Variants in WSCD2 observed in about 807,000 individuals in gnomAD.
WSCD2 encodes WSC domain sialate O sulfotransferase 2.
WSCD2 carries 28 observed loss-of-function variants against 55.7 expected under a neutral mutation model. The ratio of observed to expected loss-of-function variants is 0.50; its 90% CI spans 0.37 to 0.69. The LOEUF is 0.69. Ranked by LOEUF, WSCD2 falls within the 30% of genes least tolerant of loss-of-function variation. The probability of loss-of-function intolerance (pLI) is 0.00; values close to 1 mark genes in which losing one functional copy is unlikely to be tolerated. For synonymous variants in WSCD2, 301 were observed against 301.9 expected (o/e 1.00, Z 0.03); for missense variants, 616 against 762.1 (o/e 0.81, Z 2.26).
At chr12:108,240,578 G>A in intron 8 of WSCD2, 34 bp downstream of exon 8, 11 of 1,518,926 alleles carry the variant, frequency 7.2e-6, no homozygotes, top group Non-Finnish European at 9.9e-6. Flanking sequence ...GGGGAGGGGA[G>A]GGGCTTCGGG....
chr12:108,215,935 A>G (rs1031716816), intron 4 of WSCD2, among the ~76,000 whole-genome samples: 1 of 152,184 alleles, frequency 6.6e-6, no homozygotes, highest in African/African-American at 2.4e-5. Context: ...AAAAAGCCCA[A>G]GCTGCTGAGG....
intron 1 of WSCD2, among the ~76,000 whole-genome samples, chr12:108,193,298 A>ATTTT (rs1883421014): frequency 1.3e-5 from 2 of 152,198 alleles, no homozygotes; most frequent in African/African-American, 4.8e-5. Context: ...TAGCATAGTG[A>ATTTT]TTGTTTACAT....
chr12:108,180,501 T>G (rs1895910), intron 1 of WSCD2, among the ~76,000 whole-genome samples: 24,075 of 152,232 alleles, frequency 0.16, 2,522 homozygotes, highest in Non-Finnish European at 0.22. Flanking sequence ...ACTCAATGAA[T>G]GTTTGTTGAA....
intron 2 of WSCD2, among the ~76,000 whole-genome samples, chr12:108,202,032 A>G (rs1884754435): frequency 1.3e-5 from 2 of 152,174 alleles, no homozygotes; most frequent in South Asian, 4.1e-4. Flanking sequence ...TCCCTGTTTT[A>G]CATATCTGAC....
chr12:108,195,846 G>A lies in WSCD2; in HGVS notation c.14G>A (p.Trp5Ter), dbSNP rs762222904. 2 of 1,611,600 alleles carry A rather than the reference G, an allele frequency of 1.2e-6. No individual in the cohort carries two copies. The highest frequency in any genetic ancestry group is 2.2e-5 in the South Asian group (2 of 90,644). Residue 5 changes from tryptophan (W) to a stop codon, truncating the protein, a stop_gained, in exon 2 of 9, where the codon TGG becomes TAG. Transcript: ENST00000547525. LOFTEE classifies it high-confidence loss of function. The part of the protein sequence containing the change: MAKL[W>*]FKFQRYFRRK... ...AATGATCCCACTATGGCCAAGCTCTGGTTCAAATTCCAGCGGTACTTCCGC... is the reference window on the plus strand; with the variant it reads ...AATGATCCCACTATGGCCAAGCTCTAGTTCAAATTCCAGCGGTACTTCCGC...
chr12:108,219,855 A>C (rs555773247), intron 4 of WSCD2, among the ~76,000 whole-genome samples: 2 of 152,340 alleles, frequency 1.3e-5, no homozygotes, highest in East Asian at 3.9e-4. Flanking sequence ...TGGTCCCTCA[A>C]ATAAGATCCT....
At chr12:108,224,360 G>T (rs552980422) in intron 4 of WSCD2, among the ~76,000 whole-genome samples, 1 of 152,262 alleles carries the variant, frequency 6.6e-6, no homozygotes, top group Non-Finnish European at 1.5e-5. Context: ...GCCCTGATGA[G>T]ATCACAAAAA....
intron 1 of WSCD2, among the ~76,000 whole-genome samples, chr12:108,174,242 C>T (rs1258713081): frequency 6.6e-6 from 1 of 152,166 alleles, no homozygotes; most frequent in African/African-American, 2.4e-5. Context: ...ATTCCCTCCC[C>T]ACATATGTAG....
At position 108,229,417 on chromosome 12, in the gene WSCD2, A is replaced by G. The variant is rs529755823; in HGVS notation, c.979+2253A>G. Among the ~76,000 whole-genome samples the G allele has an allele frequency of 2.0e-5, 3 of 152,362 alleles. No individual in the cohort carries two copies. In the South Asian group the frequency reaches 6.2e-4, roughly 32 times the overall value. On this transcript the variant is annotated intron_variant, in intron 6 of 8. Coordinates refer to ENST00000547525, the MANE Select transcript of WSCD2 (RefSeq NM_014653.4). ...TTGGCCAAAGTCAAACAGCTCTGAC[A>G]TGGCAGTGTAGGGATGCAAACCCAG...
chr12:108,205,426 G>C (rs1473766435), intron 2 of WSCD2, among the ~76,000 whole-genome samples: 1 of 152,012 alleles, frequency 6.6e-6, no homozygotes, highest in Non-Finnish European at 1.5e-5. Context: ...AAAACATATG[G>C]GAAAAGACAT....
chr12:108,179,780 C>T (rs1474361896), intron 1 of WSCD2, among the ~76,000 whole-genome samples: 2 of 152,192 alleles, frequency 1.3e-5, no homozygotes, highest in East Asian at 1.9e-4. Flanking sequence ...TTGGGCAAGT[C>T]GCTGGACCTA....
chr12:108,250,163 G>A lies in WSCD2; in HGVS notation c.*1820G>A. 1 of 126,992 alleles carries A rather than the reference G, an allele frequency of 7.9e-6. No individual in the cohort carries two copies. The highest frequency in any genetic ancestry group is 7.8e-5 in the Admixed American group (1 of 12,796). 7.9% of individuals were successfully genotyped at this position (126,992 alleles called of 1,614,324 possible). A position where few individuals can be genotyped will look rare whatever the true frequency, so the allele number is the denominator to read the frequency against. On this transcript the variant is annotated 3_prime_UTR_variant, in exon 9 of 9. Coordinates refer to ENST00000547525, the MANE Select transcript of WSCD2 (RefSeq NM_014653.4). ...TGTAAGACAGGTTCACAAATGGGAT[G>A]TTTTCCTAGTGTGTGTGTGTGTGTG...
chr12:108,129,932 G>A lies in WSCD2; in HGVS notation c.-552+6G>A, dbSNP rs1875309291. ...AAGTGGCGGAGACCCTTCAGGTAAG[G>A]ACTCAGGTGCCTGGACCTGGGAAGA... On this transcript the variant is annotated splice_donor_region_variant and intron_variant, in intron 1 of 8. Transcript: ENST00000547525. 6.6e-6 allele frequency: 1 copy of A among 152,280 alleles called. No individual in the cohort carries two copies. The highest frequency in any genetic ancestry group is 2.1e-4 in the South Asian group (1 of 4,832). The allele number at this position is 152,280 out of a possible 1,614,324, so 9.4% of individuals were successfully genotyped here.
intron 8 of WSCD2, among the ~76,000 whole-genome samples, chr12:108,245,231 G>T (rs981164566): frequency 1.4e-5 from 2 of 141,336 alleles, no homozygotes; most frequent in African/African-American, 5.7e-5. Flanking sequence ...GTAGACTTGG[G>T]CAAGTTGCTC....
chr12:108,131,080 G>C (rs1336605327), intron 1 of WSCD2, among the ~76,000 whole-genome samples: 1 of 152,094 alleles, frequency 6.6e-6, no homozygotes, highest in East Asian at 1.9e-4. Flanking sequence ...TGTGAGGTGG[G>C]ATTCCGATCT....
At chr12:108,192,744 A>T (rs1883343064) in intron 1 of WSCD2, among the ~76,000 whole-genome samples, 1 of 152,040 alleles carries the variant, frequency 6.6e-6, no homozygotes, top group African/African-American at 2.4e-5. Flanking sequence ...TCCTTCACCC[A>T]GAGAATTTTG....
chr12:108,179,858 A>G (rs767457002), intron 1 of WSCD2, among the ~76,000 whole-genome samples: 1 of 152,214 alleles, frequency 6.6e-6, no homozygotes, highest in African/African-American at 2.4e-5. Flanking sequence ...CATGGTGAAC[A>G]TTAGAAATTA....
At chr12:108,207,061 AT>A (rs549023412) in intron 3 of WSCD2, among the ~76,000 whole-genome samples, 25 of 151,952 alleles carry the variant, frequency 1.6e-4, no homozygotes, top group Non-Finnish European at 2.8e-4. Context: ...GACAACGATG[AT>A]TTTTATTAGA....
intron 3 of WSCD2, among the ~76,000 whole-genome samples, chr12:108,206,882 T>C (rs896197286): frequency 6.6e-6 from 1 of 152,218 alleles, no homozygotes; most frequent in Non-Finnish European, 1.5e-5. Context: ...AACTTAGAAA[T>C]GCACCATTAG....
Sources: allele counts gnomAD v4.1 joint callset (sites outside exome capture counted in the v4.1 genomes callset), GRCh38; gene constraint gnomAD v4.1.1; transcripts MANE v1.5; gene names NCBI Gene and HGNC (gene_info 2026-07-23, HGNC 2026-07-21).